Variants in SCP2 observed in about 807,000 individuals in gnomAD.
SCP2 encodes the protein SCP-2/3-oxoacyl-CoA thiolase.
In SCP2, 48 loss-of-function variants were observed where a neutral mutation model predicts 71.4. The ratio of observed to expected loss-of-function variants is 0.67; its 90% confidence interval spans 0.53 to 0.86. The LOEUF (loss-of-function observed/expected upper bound fraction) is 0.86, where lower values mean the gene tolerates loss of function less well. Among genes scored for constraint, SCP2 ranks in the 40% least tolerant of loss-of-function variants. SCP2 has a pLI of 0.00. For missense variants in SCP2, 560 were observed against 655.6 expected (o/e 0.85, Z 1.59); for synonymous variants, 220 against 218.1 (o/e 1.01, Z -0.08).
intron 14 of SCP2, among the ~76,000 whole-genome samples, chr1:53,040,536 C>T (rs548659263): frequency 1.1e-4 from 17 of 152,062 alleles, no homozygotes; most frequent in Non-Finnish European, 1.6e-4. Context: ...CTTAACCCCA[C>T]GGTGAAACCC....
rs183067667 is a variant in SCP2 at position 52,963,453 on chromosome 1, A to G, written c.523+1824A>G. On this transcript the variant is annotated intron_variant, in intron 6 of 15. Transcript: ENST00000371514. ...TTATTGAATGAAGGAGTGAATTTCC[A>G]TATGTATGTTATCTTATTCAGCTAT... 1.2e-3 allele frequency among the ~76,000 whole-genome samples: 190 copies of G among 152,194 alleles called. 4 individuals carry two copies. Among genetic ancestry groups the G allele is most frequent in the Non-Finnish European group, 8.8e-5 (6 of 68,000 alleles).
intron 3 of SCP2, 27 bp downstream of exon 3, chr1:52,948,107 A>AT: frequency 2.0e-6 from 3 of 1,479,638 alleles, no homozygotes; most frequent in East Asian, 2.3e-5. Context: ...GTATTCTAAA[A>AT]TTTTTTTACC....
intron 15 of SCP2, chr1:53,048,463 C>T (rs1663978828): frequency 5.3e-6 from 1 of 187,664 alleles, no homozygotes; most frequent in Non-Finnish European, 1.1e-5. Flanking sequence ...GATATTATCT[C>T]CAAGGACCTC....
intron 1 of SCP2, among the ~76,000 whole-genome samples, chr1:52,939,833 C>A (rs537604246): frequency 6.6e-6 from 1 of 152,188 alleles, no homozygotes; most frequent in East Asian, 1.9e-4. Context: ...CCATGACCAG[C>A]TCATTTTTGT....
chr1:52,981,496 G>T (rs1658492668), intron 10 of SCP2, among the ~76,000 whole-genome samples: 1 of 151,588 alleles, frequency 6.6e-6, no homozygotes, highest in African/African-American at 2.4e-5. Flanking sequence ...GAGTGCAATG[G>T]TGTGATCTCG....
intron 6 of SCP2, among the ~76,000 whole-genome samples, chr1:52,965,452 C>A (rs905527631): frequency 2.0e-5 from 3 of 152,156 alleles, no homozygotes; most frequent in Admixed American, 2.0e-4. Flanking sequence ...TCAGTTCTGT[C>A]TTTGTGTCTT....
intron 12 of SCP2, among the ~76,000 whole-genome samples, chr1:53,025,254 G>A (rs761210452): frequency 6.6e-6 from 1 of 152,032 alleles, no homozygotes; most frequent in African/African-American, 2.4e-5. Context: ...TTGCATCACT[G>A]GCTGCTGCTT....
intron 11 of SCP2, among the ~76,000 whole-genome samples, chr1:53,000,578 A>C (rs1330753603): frequency 9.9e-5 from 15 of 152,264 alleles, no homozygotes; most frequent in Non-Finnish European, 2.9e-5. Context: ...CTTATTGTGC[A>C]CCCACCTCAT....
chr1:52,946,981 A>C (rs938825656), intron 2 of SCP2, among the ~76,000 whole-genome samples: 1 of 150,944 alleles, frequency 6.6e-6, no homozygotes, highest in African/African-American at 2.4e-5. Context: ...GAATCACTTG[A>C]ACCTGGGAGG....
At chr1:52,984,865 G>A (rs1237719257) in intron 10 of SCP2, among the ~76,000 whole-genome samples, 2 of 134,616 alleles carry the variant, frequency 1.5e-5, no homozygotes, top group Non-Finnish European at 3.1e-5. Context: ...TTCCGAGACA[G>A]TTTTGCTCTT....
At chr1:52,952,658 T>C (rs902340224) in intron 4 of SCP2, among the ~76,000 whole-genome samples, 12 of 152,212 alleles carry the variant, frequency 7.9e-5, no homozygotes, top group African/African-American at 2.9e-4. Flanking sequence ...TCCTAGCTTC[T>C]TGGGAGGCTG....
At chr1:52,943,914 C>A in intron 2 of SCP2, 1 of 424,752 alleles carries the variant, frequency 2.4e-6, no homozygotes, top group South Asian at 2.0e-5. Context: ...TTCGGGCAGT[C>A]AGCTTTGTAC....
chr1:52,974,809 T>C lies in SCP2; in HGVS notation c.564T>C (p.Asn188=). The C allele has an allele frequency of 6.5e-7, 1 of 1,530,078 alleles. No homozygotes were observed. Among genetic ancestry groups the C allele is most frequent in the Non-Finnish European group, 9.1e-7 (1 of 1,103,570 alleles). The allele number at this position is 1,530,078 out of a possible 1,614,324, so 94.8% of individuals were successfully genotyped here. ...IEHFAKIGWK[N]HKHSVNNPYS... is the part of the protein sequence containing the mutation. The stretch of plus-strand genomic sequence containing the variant: ...ACTTTGCAAAAATTGGATGGAAAAA[T>C]CATAAACATTCAGTTAATAACCCGT... The change falls in exon 7 of 16, where the codon AAT becomes AAC. Residue 188 remains asparagine (N), a synonymous_variant. Coordinates refer to ENST00000371514, the MANE Select transcript of SCP2 (RefSeq NM_002979.5).
At chr1:52,978,724 G>A (rs72899337) in intron 9 of SCP2, among the ~76,000 whole-genome samples, 2,976 of 152,106 alleles carry the variant, frequency 0.02, 106 homozygotes, top group African/African-American at 0.067. Context: ...CACGACTGCC[G>A]GCTAATGTTT....
In SCP2 at chr1:53,032,112, T is replaced by C. The variant is rs138906714; in HGVS notation, c.1338+4041T>C. On this transcript the variant is annotated intron_variant, in intron 13 of 15. Coordinates refer to ENST00000371514, the MANE Select transcript of SCP2 (RefSeq NM_002979.5). Reference sequence around the variant, plus strand: ...TTGAGAGATAAAAGATTTTAAGGAATGTGAAGAAGACTTTGAACTTTCTTC... The same window carrying C: ...TTGAGAGATAAAAGATTTTAAGGAACGTGAAGAAGACTTTGAACTTTCTTC... 6.2e-3 allele frequency among the ~76,000 whole-genome samples: 945 copies of C among 152,340 alleles called. 14 individuals are homozygous for C. The highest frequency in any genetic ancestry group is 0.022 in the African/African-American group (908 of 41,592).
chr1:52,999,516 G>A (rs1305681988), intron 11 of SCP2, among the ~76,000 whole-genome samples: 1 of 152,072 alleles, frequency 6.6e-6, no homozygotes, highest in African/African-American at 2.4e-5. Flanking sequence ...CATGATACTG[G>A]TTTCTGATTT....
intron 1 of SCP2, among the ~76,000 whole-genome samples, chr1:52,932,520 A>G (rs1162408947): frequency 6.6e-6 from 1 of 152,214 alleles, no homozygotes; most frequent in Non-Finnish European, 1.5e-5. Context: ...GGAAGAAGAT[A>G]CTGGATCCTG....
intron 11 of SCP2, among the ~76,000 whole-genome samples, chr1:53,012,914 C>T (rs1391671600): frequency 2.0e-5 from 3 of 152,246 alleles, no homozygotes; most frequent in South Asian, 4.1e-4. Context: ...GTGAAGACAA[C>T]TAGCAGCGTA....
rs202003347 is a variant in SCP2 at position 52,941,873 on chromosome 1, T to A, written c.127+20T>A. The stretch of plus-strand genomic sequence containing the variant: ...AAGCAGGTAACATAGAACATTTAGA[T>A]CTTTGAACATTCATAGTTTATTATG... On this transcript the variant is annotated intron_variant, in intron 2 of 15. Coordinates refer to ENST00000371514, the MANE Select transcript of SCP2 (RefSeq NM_002979.5). 2.6e-6 allele frequency: 4 copies of A among 1,552,042 alleles called. No individual in the cohort carries two copies. The East Asian group carries it at 9.0e-5, about 35-fold the overall frequency.
Sources: allele counts gnomAD v4.1 joint callset (sites outside exome capture counted in the v4.1 genomes callset), GRCh38; gene constraint gnomAD v4.1.1; transcripts MANE v1.5; gene names NCBI Gene and HGNC (gene_info 2026-07-23, HGNC 2026-07-21).